Variants in DPF3 observed in about 807,000 individuals in gnomAD.
DPF3 encodes the protein zinc finger protein DPF3.
In DPF3, 18 loss-of-function variants were observed where a neutral mutation model predicts 56.8. That is an observed-to-expected ratio of 0.32 (90% CI 0.22 to 0.47). The LOEUF (loss-of-function observed/expected upper bound fraction) is 0.47. Among genes scored for constraint, DPF3 ranks in the 20% least tolerant of loss-of-function variants. DPF3 has a pLI of 1.00. For missense variants in DPF3, 403 were observed against 488.8 expected (o/e 0.82, Z 1.65); for synonymous variants, 188 against 180.2 (o/e 1.04, Z -0.35).
chr14:72,647,931 C>T (rs572548089), intron 8 of DPF3, among the ~76,000 whole-genome samples: 22 of 152,268 alleles, frequency 1.4e-4, no homozygotes, highest in Non-Finnish European at 3.1e-4. Context: ...CACTTCTCAC[C>T]ATATCTCCTC....
rs1310485973 is a variant in DPF3, at chr14:72,693,189, C to T, written c.629G>A (p.Arg210Gln). The T allele has an allele frequency of 1.2e-5, 20 of 1,613,674 alleles. No homozygotes were observed. Among genetic ancestry groups the T allele is most frequent in the Non-Finnish European group, 1.5e-5 (18 of 1,179,850 alleles). ...CDICGKRYKN[R>Q]PGLSYHYAHT... Reference sequence around the variant, plus strand: ...AGCATAGTGGTAGCTGAGCCCCGGTCGGTTCTTGTAGCGCTTGCCACAGAC... The same window carrying T: ...AGCATAGTGGTAGCTGAGCCCCGGTTGGTTCTTGTAGCGCTTGCCACAGAC... The change falls in exon 7 of 11, where the codon CGA (arginine) becomes CAA (glutamine). Residue 210 changes from arginine to glutamine, a missense_variant. By Grantham distance (43) the Arg-to-Gln change is conservative. Transcript: ENST00000556509.
At chr14:72,847,042 G>A (rs1884789008) in intron 1 of DPF3, among the ~76,000 whole-genome samples, 1 of 152,152 alleles carries the variant, frequency 6.6e-6, no homozygotes, top group Non-Finnish European at 1.5e-5. Flanking sequence ...AAGGGCCCAG[G>A]GTTCAACATC....
At chr14:72,755,194 C>A (rs1186910735) in intron 2 of DPF3, among the ~76,000 whole-genome samples, 1 of 152,208 alleles carries the variant, frequency 6.6e-6, no homozygotes, top group Non-Finnish European at 1.5e-5. Context: ...TAAGAGTGAG[C>A]TGGCCCCCAC....
intron 1 of DPF3, among the ~76,000 whole-genome samples, chr14:72,834,239 G>A (rs1884188264): frequency 6.6e-6 from 1 of 152,080 alleles, no homozygotes; most frequent in Admixed American, 6.6e-5. Context: ...TCTGACGCCT[G>A]TAACGCCAAC....
intron 1 of DPF3, among the ~76,000 whole-genome samples, chr14:72,777,838 G>A (rs1220710797): frequency 6.6e-6 from 1 of 152,114 alleles, no homozygotes; most frequent in African/African-American, 2.4e-5. Context: ...AAGCCAAGCA[G>A]ATGCCAGCAC....
intron 3 of DPF3, among the ~76,000 whole-genome samples, chr14:72,749,561 G>A (rs1039775179): frequency 6.6e-6 from 1 of 152,314 alleles, no homozygotes; most frequent in Non-Finnish European, 1.5e-5. Flanking sequence ...GAGGGGGCAA[G>A]GGCAGAATGA....
At chr14:72,678,766 ATGTGGTTTTC>A (rs946874500) in intron 7 of DPF3, among the ~76,000 whole-genome samples, 1 of 152,212 alleles carries the variant, frequency 6.6e-6, no homozygotes, top group African/African-American at 2.4e-5. Flanking sequence ...GCGATGATGG[ATGTGGTTTTC>A]TGTTGATTAA....
chr14:72,795,289 A>ATAT lies in DPF3; in HGVS notation c.33-23397_33-23396insATA, dbSNP rs1179925797. ...GTCCTCTTTTTGACAAAAAAAAAAA[A>ATAT]AAAAAAATATATATATATATATATA... On this transcript the variant is annotated intron_variant, in intron 1 of 10. Transcript: ENST00000556509. 6.5e-3 allele frequency among the ~76,000 whole-genome samples: 778 copies of ATAT among 119,098 alleles called. 2 individuals are homozygous for ATAT. Among genetic ancestry groups the ATAT allele is most frequent in the Non-Finnish European group, 0.011 (590 of 53,542 alleles). The allele number at this position is 119,098 out of a possible 152,430, so 78.1% of individuals were successfully genotyped here. A position where few individuals can be genotyped will look rare whatever the true frequency, so the allele number is the denominator to read the frequency against.
At chr14:72,639,240 G>T (rs1599322366) in intron 8 of DPF3, among the ~76,000 whole-genome samples, 2 of 152,190 alleles carry the variant, frequency 1.3e-5, no homozygotes, top group South Asian at 4.1e-4. Flanking sequence ...CCTGTTCATT[G>T]CCAGGAACTG....
chr14:72,824,264 A>G (rs1020683110), intron 1 of DPF3, among the ~76,000 whole-genome samples: 43 of 152,304 alleles, frequency 2.8e-4, no homozygotes, highest in African/African-American at 9.9e-4. Context: ...TTGGTGCTGT[A>G]TGAGATGGAT....
chr14:72,675,475 T>C (rs780202859), intron 7 of DPF3: 2 of 152,242 alleles, frequency 1.3e-5, no homozygotes, highest in Non-Finnish European at 2.9e-5. Flanking sequence ...CTGCCTTTCA[T>C]TATTCACTGG....
chr14:72,868,787 G>T (rs1446380696), intron 1 of DPF3, among the ~76,000 whole-genome samples: 1 of 152,124 alleles, frequency 6.6e-6, no homozygotes, highest in African/African-American at 2.4e-5. Flanking sequence ...CTAATACCTT[G>T]TCCTTCCTGC....
chr14:72,649,193 C>T (rs1243896781), intron 8 of DPF3, among the ~76,000 whole-genome samples: 2 of 151,972 alleles, frequency 1.3e-5, no homozygotes, highest in African/African-American at 2.4e-5. Context: ...GTTGGGAACC[C>T]GAAGAATAGA....
chr14:72,769,191 A>G (rs1891416046), intron 2 of DPF3, among the ~76,000 whole-genome samples: 1 of 152,230 alleles, frequency 6.6e-6, no homozygotes, highest in African/African-American at 2.4e-5. Context: ...AGGCCTAGAA[A>G]CAATGACCAA....
intron 1 of DPF3, among the ~76,000 whole-genome samples, chr14:72,863,098 A>G (rs61988461): frequency 1.2e-4 from 12 of 101,132 alleles, no homozygotes; most frequent in African/African-American, 4.0e-4. Flanking sequence ...ATATATATAT[A>G]TATGTGTGTG....
chr14:72,735,623 C>T (rs1338460289), intron 3 of DPF3, among the ~76,000 whole-genome samples: 1 of 152,232 alleles, frequency 6.6e-6, no homozygotes, highest in East Asian at 1.9e-4. Context: ...CCCAGGGTCA[C>T]AGAGACATGT....
chr14:72,619,600 GT>G (rs1328597689), intron 10 of DPF3, among the ~76,000 whole-genome samples: 1 of 152,130 alleles, frequency 6.6e-6, no homozygotes, highest in Non-Finnish European at 1.5e-5. Flanking sequence ...CTCCAAACTA[GT>G]GTCGCCGGGC....
At chr14:72,760,599 T>C (rs189554089) in intron 2 of DPF3, among the ~76,000 whole-genome samples, 48 of 152,198 alleles carry the variant, frequency 3.2e-4, no homozygotes, top group Non-Finnish European at 6.0e-4. Context: ...AGACTCCTTA[T>C]ACTATTCATG....
intron 3 of DPF3, among the ~76,000 whole-genome samples, chr14:72,751,512 C>G (rs141508545): frequency 6.6e-6 from 1 of 152,156 alleles, no homozygotes; most frequent in Non-Finnish European, 1.5e-5. Context: ...AGGCCAGGAC[C>G]GCACTTTGAA....
Sources: allele counts gnomAD v4.1 joint callset (sites outside exome capture counted in the v4.1 genomes callset), GRCh38; gene constraint gnomAD v4.1.1; transcripts MANE v1.5; gene names NCBI Gene and HGNC (gene_info 2026-07-23, HGNC 2026-07-21).